Variants in RDX observed in about 807,000 individuals in gnomAD.
RDX encodes the protein deafness, autosomal recessive 24.
RDX carries 32 observed loss-of-function variants against 83.7 expected under a neutral mutation model. The observed-to-expected ratio is 0.38, with a 90% CI of 0.29 to 0.51. The LOEUF (loss-of-function observed/expected upper bound fraction) is 0.51. Among genes scored for constraint, RDX ranks in the 20% least tolerant of loss-of-function variants. The pLI, the probability that RDX is intolerant of heterozygous loss-of-function variation, is 0.87. For synonymous variants in RDX, 229 were observed against 222.7 expected (o/e 1.03, Z -0.25); for missense variants, 600 against 689.9 (o/e 0.87, Z 1.46).
Position 110,258,154 on chromosome 11 carries a change from C to A in RDX, c.503G>T (p.Trp168Leu), listed in dbSNP as rs1859623749. 6.2e-7 allele frequency: 1 copy of A among 1,610,722 alleles called. No individual in the cohort carries two copies. Residue 168 changes from tryptophan to leucine, a missense_variant, in exon 6 of 14, where the codon TGG (tryptophan) becomes TTG (leucine). Coordinates refer to ENST00000645495, the MANE Select transcript of RDX (RefSeq NM_002906.4). Reference protein sequence around the residue: ...LEQHKLTKEQWEERIQNWHEE... With the variant: ...LEQHKLTKEQLEERIQNWHEE... ...ATGCCAGTTCTGTATTCTTTCTTCCCACTGTTCTTTTGTTAGTTTGTGTTG... is the reference window on the plus strand; with the variant it reads ...ATGCCAGTTCTGTATTCTTTCTTCCAACTGTTCTTTTGTTAGTTTGTGTTG...
chr11:110,197,644 A>C lies in RDX; in HGVS notation c.*31+1937T>G, dbSNP rs114547704. On this transcript the variant is annotated intron_variant, in intron 15 of 15. Coordinates refer to the RDX transcript ENST00000528498. ...TGAAAATCAAGGAGGAAAAATCATA[A>C]AAGATCAGGTAGATTTTACTTTGGG... 9.4e-3 allele frequency among the ~76,000 whole-genome samples: 1,429 copies of C among 152,364 alleles called. 30 individuals carry two copies. The highest frequency in any genetic ancestry group is 0.033 in the African/African-American group (1,359 of 41,580).
At position 110,231,673 on chromosome 11, in the gene RDX, G is replaced by T. The variant is rs1864641344; in HGVS notation, c.*196C>A. On this transcript the variant is annotated 3_prime_UTR_variant, in exon 14 of 14. Transcript: ENST00000645495. ...CCATTCTCCATTCCCTGGACCAAAA[G>T]AAAAAAGAAAACCAAGCATGATATC... 7 of 625,708 alleles carry T rather than the reference G, an allele frequency of 1.1e-5. No homozygotes were observed. The highest frequency in any genetic ancestry group is 2.0e-5 in the Non-Finnish European group (7 of 352,298). 38.8% of individuals were successfully genotyped at this position (625,708 alleles called of 1,614,324 possible).
At chr11:110,288,279 A>G (rs1861068724) in intron 1 of RDX, 2 of 152,222 alleles carry the variant, frequency 1.3e-5, no homozygotes, top group Admixed American at 1.3e-4. Flanking sequence ...TGAGTTTAGG[A>G]TCTCTTCTAA....
At chr11:110,267,101 A>G (rs1022263868) in intron 3 of RDX, among the ~76,000 whole-genome samples, 2 of 152,044 alleles carry the variant, frequency 1.3e-5, no homozygotes, top group Admixed American at 6.5e-5. Flanking sequence ...ATAGGGTCTC[A>G]CTATGTTGCC....
At chr11:110,203,042 A>G (rs73553591) in intron 14 of RDX, among the ~76,000 whole-genome samples, 3,481 of 152,262 alleles carry the variant, frequency 0.023, 139 homozygotes, top group African/African-American at 0.08. Flanking sequence ...CATTATATCA[A>G]AAAGATACCT....
At chr11:110,276,347 T>A (rs1565329970) in intron 2 of RDX, among the ~76,000 whole-genome samples, 1 of 152,056 alleles carries the variant, frequency 6.6e-6, no homozygotes, top group Non-Finnish European at 1.5e-5. Flanking sequence ...TCTAATTTTG[T>A]TCCACTGGTC....
At chr11:110,278,329 G>A (rs1349697865) in intron 2 of RDX, among the ~76,000 whole-genome samples, 1 of 151,924 alleles carries the variant, frequency 6.6e-6, no homozygotes, top group Non-Finnish European at 1.5e-5. Flanking sequence ...AAAGAAGACT[G>A]CCTGGATTCA....
At chr11:110,255,111 A>C (rs973935881) in intron 8 of RDX, among the ~76,000 whole-genome samples, 178 bp downstream of exon 8, 1 of 152,192 alleles carries the variant, frequency 6.6e-6, no homozygotes, top group African/African-American at 2.4e-5. Flanking sequence ...ACTTTAAAAA[A>C]TTAAATCTTT....
chr11:110,240,017 GTATCCAGCAA>G (rs547789445), intron 10 of RDX, among the ~76,000 whole-genome samples: 106 of 152,080 alleles, frequency 7.0e-4, no homozygotes, highest in African/African-American at 2.4e-3. Context: ...CCAAAACATA[GTATCCAGCAA>G]TATCCAGCAA....
chr11:110,264,698 G>A, intron 4 of RDX, 81 bp downstream of exon 4: 3 of 1,010,408 alleles, frequency 3.0e-6, no homozygotes, highest in South Asian at 1.4e-5. Flanking sequence ...CTTGCAATCA[G>A]TCAGACTTAG....
chr11:110,193,914 T>C (rs1863151476), intron 15 of RDX, among the ~76,000 whole-genome samples: 1 of 152,206 alleles, frequency 6.6e-6, no homozygotes, highest in Admixed American at 6.5e-5. Flanking sequence ...AAGCAATTGG[T>C]AATTTGTCCC....
In RDX at chr11:110,264,104, T is replaced by C; in HGVS notation, c.323A>G (p.Glu108Gly). The C allele has an allele frequency of 6.2e-7, 1 of 1,614,064 alleles. No individual in the cohort carries two copies. The highest frequency in any genetic ancestry group is 8.5e-7 in the Non-Finnish European group (1 of 1,179,952). ...TQRLFFLQVK[E>G]AILNDEIYCP... ...ATATATCTCATCATTTAAGATGGCT[T>C]CTTTAACTTGCAAGAAGAAGAGTCT... Residue 108 changes from glutamate (E) to glycine (G), a missense_variant, in exon 5 of 14, where the codon GAA becomes GGA. Coordinates refer to ENST00000645495, the MANE Select transcript of RDX (RefSeq NM_002906.4).
intron 15 of RDX, among the ~76,000 whole-genome samples, chr11:110,182,601 AAACAAC>A (rs140588360): frequency 5.9e-5 from 9 of 152,012 alleles, no homozygotes; most frequent in African/African-American, 1.9e-4. Flanking sequence ...CCCCTGTCTC[AAACAAC>A]AACAACAACA....
chr11:110,267,005 T>G (rs1480140815), intron 3 of RDX, among the ~76,000 whole-genome samples: 1 of 151,882 alleles, frequency 6.6e-6, no homozygotes, highest in Non-Finnish European at 1.5e-5. Flanking sequence ...CAGGCTCAAG[T>G]GATCCTCCCA....
chr11:110,215,393 TAAA>T (rs1565295832), intron 14 of RDX, among the ~76,000 whole-genome samples: 2 of 149,452 alleles, frequency 1.3e-5, no homozygotes, highest in African/African-American at 4.9e-5. Flanking sequence ...AATAAATAAA[TAAA>T]TAAATAAATA....
intron 14 of RDX, among the ~76,000 whole-genome samples, chr11:110,210,546 C>T (rs1190598753): frequency 6.6e-6 from 1 of 150,896 alleles, no homozygotes; most frequent in Non-Finnish European, 1.5e-5. Context: ...GTCAGATTCA[C>T]CAAAGCTGAA....
chr11:110,199,770 T>G (rs1863331806), intron 14 of RDX: 2 of 699,234 alleles, frequency 2.9e-6, no homozygotes, highest in African/African-American at 1.7e-5. Context: ...GCTCAGCACA[T>G]TGCAACATCA....
downstream of RDX, among the ~76,000 whole-genome samples, chr11:110,226,730 T>C (rs1257760062): frequency 6.6e-6 from 1 of 152,220 alleles, no homozygotes; most frequent in African/African-American, 2.4e-5. Flanking sequence ...TTACTCATAT[T>C]TGACTGGTCA....
intron 3 of RDX, among the ~76,000 whole-genome samples, chr11:110,270,244 G>C (rs1332865515): frequency 6.6e-6 from 1 of 151,968 alleles, no homozygotes; most frequent in Non-Finnish European, 1.5e-5. Context: ...AAATGGTATA[G>C]CCTACTACAC....
Sources: allele counts gnomAD v4.1 joint callset (sites outside exome capture counted in the v4.1 genomes callset), GRCh38; gene constraint gnomAD v4.1.1; transcripts MANE v1.5; gene names NCBI Gene and HGNC (gene_info 2026-07-23, HGNC 2026-07-21).